Variants in GRAMD1B observed in about 807,000 individuals in gnomAD.
GRAMD1B encodes GRAM domain containing 1B.
Under a neutral mutation model 99.7 loss-of-function variants are expected in GRAMD1B, and 37 were observed. That is an observed-to-expected ratio of 0.37 (90% CI 0.29 to 0.49). The LOEUF is 0.49. Ranked by LOEUF, GRAMD1B falls within the 20% of genes least tolerant of loss-of-function variation. The probability of loss-of-function intolerance (pLI) is 0.98; values close to 1 mark genes in which losing one functional copy is unlikely to be tolerated. For synonymous variants in GRAMD1B, 427 were observed against 387.6 expected (o/e 1.10, Z -1.19); for missense variants, 888 against 1,009.2 (o/e 0.88, Z 1.63).
At chr11:123,583,329 CAT>C (rs1420073562) in intron 3 of GRAMD1B, among the ~76,000 whole-genome samples, 1 of 135,726 alleles carries the variant, frequency 7.4e-6, no homozygotes, top group Non-Finnish European at 1.6e-5. Context: ...GATGTGTGTG[CAT>C]GTGTGTGGTG....
intron 2 of GRAMD1B, among the ~76,000 whole-genome samples, chr11:123,496,086 A>G (rs1157099495): frequency 6.6e-6 from 1 of 152,140 alleles, no homozygotes; most frequent in Admixed American, 6.5e-5. Flanking sequence ...TTTGCTCATT[A>G]ACATCCTTTT....
At chr11:123,525,567 A>G (rs1430748691) in intron 2 of GRAMD1B, 1 of 154,482 alleles carries the variant, frequency 6.5e-6, no homozygotes, top group Non-Finnish European at 1.4e-5. Context: ...CTGGGACTAA[A>G]CATGTGCTGT....
At chr11:123,565,706 G>A (rs1404503725) in intron 2 of GRAMD1B, among the ~76,000 whole-genome samples, 1 of 152,172 alleles carries the variant, frequency 6.6e-6, no homozygotes, top group African/African-American at 2.4e-5. Context: ...CATTGCAGAG[G>A]GAGCCCTGCA....
At position 123,617,627 on chromosome 11, in the gene GRAMD1B, C is replaced by A. The variant is rs1280453181; in HGVS notation, c.2319-1066C>A. 2.0e-5 allele frequency among the ~76,000 whole-genome samples: 3 copies of A among 152,158 alleles called. No individual in the cohort carries two copies. The East Asian group carries it at 5.8e-4, about 29-fold the overall frequency. ...ATATTCCCTTTCATCTACAGAACAA[C>A]CCCAGTAGGATAGGTATTACTGTCC... On this transcript the variant is annotated intron_variant, in intron 17 of 19. Coordinates refer to ENST00000635736, the MANE Select transcript of GRAMD1B (RefSeq NM_001387025.1).
At chr11:123,484,600 GAGAGTATGAGGAAC>G (rs1951784491) in intron 2 of GRAMD1B, among the ~76,000 whole-genome samples, 1 of 152,104 alleles carries the variant, frequency 6.6e-6, no homozygotes, top group Non-Finnish European at 1.5e-5. Flanking sequence ...ACTCGCTTTG[GAGAGTATGAGGAAC>G]AGAGAGAATG....
intron 1 of GRAMD1B, among the ~76,000 whole-genome samples, chr11:123,392,217 T>G (rs1207385562): frequency 6.6e-6 from 1 of 151,998 alleles, no homozygotes; most frequent in Non-Finnish European, 1.5e-5. Flanking sequence ...AAGAGGAGAA[T>G]GAAAGCAGGG....
intron 1 of GRAMD1B, among the ~76,000 whole-genome samples, chr11:123,475,460 G>A (rs1447444066): frequency 1.3e-5 from 2 of 152,122 alleles, no homozygotes; most frequent in African/African-American, 4.8e-5. Context: ...TAGGAACATG[G>A]TCTAGTGTTC....
chr11:123,432,266 G>T, intron 1 of GRAMD1B: 1 of 385,614 alleles, frequency 2.6e-6, no homozygotes, highest in East Asian at 3.7e-5. Flanking sequence ...GCTTGTATAA[G>T]AAATGAACAC....
chr11:123,547,238 C>T (rs1252902041), intron 2 of GRAMD1B, among the ~76,000 whole-genome samples: 1 of 152,204 alleles, frequency 6.6e-6, no homozygotes, highest in Non-Finnish European at 1.5e-5. Context: ...AGGACCCCAA[C>T]TCTCAATCTG....
chr11:123,414,228 A>G (rs1676109205), intron 1 of GRAMD1B, among the ~76,000 whole-genome samples: 1 of 152,106 alleles, frequency 6.6e-6, no homozygotes, highest in African/African-American at 2.4e-5. Context: ...TATTTTTAGT[A>G]GAGACAGGGT....
At chr11:123,458,513 C>CG (rs1565515499) in intron 1 of GRAMD1B, 1 of 152,118 alleles carries the variant, frequency 6.6e-6, no homozygotes, top group East Asian at 1.9e-4. Flanking sequence ...AATGCTTTAC[C>CG]GGGTTCCTAG....
intron 1 of GRAMD1B, among the ~76,000 whole-genome samples, chr11:123,436,199 C>T (rs1279184347): frequency 6.6e-6 from 1 of 152,068 alleles, no homozygotes; most frequent in Non-Finnish European, 1.5e-5. Context: ...CCTCAGCCTC[C>T]CAAAGTGCTG....
Position 123,447,484 on chromosome 11 carries a change from C to T in GRAMD1B, c.374+16318C>T, listed in dbSNP as rs988810967. On this transcript the variant is annotated intron_variant, in intron 1 of 19. Coordinates refer to ENST00000635736, the MANE Select transcript of GRAMD1B (RefSeq NM_001387025.1). ...TGAGTCATGACGCTCAGGCTGGGCC[C>T]CTCCATCTGTGGGGACAGGGTGACA... Among the ~76,000 whole-genome samples, 5 of 152,258 alleles carry T rather than the reference C, an allele frequency of 3.3e-5. No individual in the cohort carries two copies. The South Asian group carries it at 1.0e-3, about 32-fold the overall frequency.
intron 4 of GRAMD1B, among the ~76,000 whole-genome samples, chr11:123,592,111 C>T (rs1950727030): frequency 6.6e-6 from 1 of 152,222 alleles, no homozygotes; most frequent in East Asian, 1.9e-4. Flanking sequence ...TCCGGTTTCA[C>T]CTGAAGTGTG....
At chr11:123,404,649 T>C (rs976633617) in intron 1 of GRAMD1B, among the ~76,000 whole-genome samples, 4 of 152,238 alleles carry the variant, frequency 2.6e-5, no homozygotes, top group African/African-American at 9.6e-5. Flanking sequence ...CTTCTCCTTT[T>C]GGAGCAGAAC....
Position 123,532,882 on chromosome 11 carries a change from T to A in GRAMD1B, c.453-44485T>A, listed in dbSNP as rs73614064. On this transcript the variant is annotated intron_variant, in intron 2 of 19. Coordinates refer to ENST00000635736, the MANE Select transcript of GRAMD1B (RefSeq NM_001387025.1). The stretch of plus-strand genomic sequence containing the variant: ...TAGTTGCAACAGGTCTATGACTGGC[T>A]GATCTAAAACATTTATTATCGAGCC... Among the ~76,000 whole-genome samples the A allele has an allele frequency of 7.5e-3, 1,146 of 152,346 alleles. 19 individuals are homozygous for A. The highest frequency in any genetic ancestry group is 0.026 in the African/African-American group (1,088 of 41,576).
intron 1 of GRAMD1B, among the ~76,000 whole-genome samples, chr11:123,399,680 G>A (rs1947590981): frequency 6.6e-6 from 1 of 152,016 alleles, no homozygotes; most frequent in Non-Finnish European, 1.5e-5. Flanking sequence ...CATGATCTCG[G>A]CTCACTGCAA....
chr11:123,391,549 T>C (rs1325125019), intron 1 of GRAMD1B, among the ~76,000 whole-genome samples: 6 of 152,108 alleles, frequency 3.9e-5, no homozygotes, highest in Admixed American at 3.3e-4. Flanking sequence ...CTCCGCCTCC[T>C]GGGTTCAAGC....
intron 1 of GRAMD1B, among the ~76,000 whole-genome samples, chr11:123,438,548 A>T (rs935279474): frequency 9.2e-5 from 14 of 152,070 alleles, no homozygotes; most frequent in Admixed American, 7.9e-4. Flanking sequence ...CTGGCTGTAG[A>T]TGTGGTTTCT....
Sources: gnomAD v4.1 joint callset for allele counts (sites outside exome capture counted in the v4.1 genomes callset) on GRCh38, gnomAD v4.1.1 for gene constraint, MANE v1.5 for transcripts, NCBI Gene and HGNC (gene_info 2026-07-23, HGNC 2026-07-21) for gene names.